CCDC149: variants seen among roughly 807,000 people sequenced by gnomAD.
CCDC149 encodes coiled-coil domain-containing protein 149.
A neutral mutation model predicts 59.9 loss-of-function variants in CCDC149; 45 were observed. The ratio of observed to expected loss-of-function variants is 0.75; its 90% CI spans 0.59 to 0.96. The LOEUF (loss-of-function observed/expected upper bound fraction) is 0.96. Ranked by LOEUF, CCDC149 falls within the 40% of genes least tolerant of loss-of-function variation. The pLI is 0.00. For missense variants in CCDC149, 584 were observed against 664.7 expected (o/e 0.88, Z 1.33); for synonymous variants, 245 against 260.6 (o/e 0.94, Z 0.58).
intron 1 of CCDC149, chr4:24,894,866 G>T: frequency 8.1e-7 from 1 of 1,229,074 alleles, no homozygotes; most frequent in Non-Finnish European, 1.1e-6. Context: ...CACCCCTGCA[G>T]CCTGTGCTAG....
intron 3 of CCDC149, among the ~76,000 whole-genome samples, chr4:24,854,752 T>A (rs1717895363): frequency 6.6e-6 from 1 of 152,200 alleles, no homozygotes; most frequent in Admixed American, 6.5e-5. Context: ...TTGTCTTACC[T>A]ACTAGGTCTC....
At chr4:24,812,693 G>T (rs1044145648) in intron 12 of CCDC149, among the ~76,000 whole-genome samples, 9 of 152,212 alleles carry the variant, frequency 5.9e-5, no homozygotes, top group Admixed American at 5.9e-4. Context: ...AAGGAAACAG[G>T]TTTAATGGAC....
At chr4:24,820,017 T>G (rs1158974754) in intron 11 of CCDC149, 42 bp from the exon 12 acceptor site, 5 of 1,440,542 alleles carry the variant, frequency 3.5e-6, no homozygotes, top group Non-Finnish European at 3.8e-6. Flanking sequence ...ATATCATCAG[T>G]GGAGTTGGGT....
At chr4:24,864,596 TA>T (rs1219212465) in intron 3 of CCDC149, among the ~76,000 whole-genome samples, 1 of 152,180 alleles carries the variant, frequency 6.6e-6, no homozygotes, top group South Asian at 2.1e-4. Flanking sequence ...ATTTGAGTGA[TA>T]AAAAAACTCC....
intron 12 of CCDC149, among the ~76,000 whole-genome samples, chr4:24,816,183 G>T (rs555531118): frequency 6.6e-6 from 1 of 152,190 alleles, no homozygotes; most frequent in South Asian, 2.1e-4. Flanking sequence ...AACCTCCTGG[G>T]TTCAAGGGAT....
chr4:24,910,658 C>T (rs1721820492), intron 1 of CCDC149, among the ~76,000 whole-genome samples: 1 of 152,132 alleles, frequency 6.6e-6, no homozygotes. Flanking sequence ...GCAGAAGATA[C>T]AGACAGATGA....
chr4:24,860,897 A>G (rs1577420449), intron 3 of CCDC149, among the ~76,000 whole-genome samples: 1 of 152,212 alleles, frequency 6.6e-6, no homozygotes, highest in Admixed American at 6.5e-5. Context: ...TCACAATGCA[A>G]TAACACCTTA....
chr4:24,837,519 T>C lies in CCDC149; in HGVS notation c.490-119A>G. The stretch of plus-strand genomic sequence containing the variant: ...AGAGAGTTTATTAACACTACCCGCA[T>C]GCCCTAAAGCCATAAGCGCCACACA... On this transcript the variant is annotated intron_variant, in intron 5 of 12. Coordinates refer to ENST00000635206, the MANE Select transcript of CCDC149 (RefSeq NM_001330643.2). The surrounding 1 kb of genome is among the most constrained non-coding windows in gnomAD (Gnocchi z 4.3). 2 of 876,038 alleles carry C rather than the reference T, an allele frequency of 2.3e-6. No individual in the cohort carries two copies. Among genetic ancestry groups the C allele is most frequent in the Non-Finnish European group, 3.5e-6 (2 of 564,630 alleles). 54.3% of individuals were successfully genotyped at this position (876,038 alleles called of 1,614,324 possible). A position where few individuals can be genotyped will look rare whatever the true frequency, so the allele number is the denominator to read the frequency against.
intron 3 of CCDC149, among the ~76,000 whole-genome samples, chr4:24,868,050 C>T (rs1718808697): frequency 6.6e-6 from 1 of 152,232 alleles, no homozygotes; most frequent in African/African-American, 2.4e-5. Context: ...CTTTGCTTTG[C>T]AGCTGGAGAG....
At chr4:24,930,026 C>T (rs1485900228) in intron 1 of CCDC149, among the ~76,000 whole-genome samples, 1 of 152,164 alleles carries the variant, frequency 6.6e-6, no homozygotes, top group African/African-American at 2.4e-5. Context: ...TTTATCAAAG[C>T]CTGCTATGAT....
In CCDC149 at chr4:24,837,115, C is replaced by G; in HGVS notation, c.662+113G>C. 1 of 1,034,736 alleles carries G rather than the reference C, an allele frequency of 9.7e-7. No individual in the cohort carries two copies. Among genetic ancestry groups the G allele is most frequent in the East Asian group, 2.6e-5 (1 of 38,488 alleles). The allele number at this position is 1,034,736 out of a possible 1,614,324, so 64.1% of individuals were successfully genotyped here. A position where few individuals can be genotyped will look rare whatever the true frequency, so the allele number is the denominator to read the frequency against. On this transcript the variant is annotated intron_variant, in intron 6 of 12. Coordinates refer to ENST00000635206, the MANE Select transcript of CCDC149 (RefSeq NM_001330643.2). This position sits in a 1 kb window ranked among gnomAD's most constrained non-coding sequence, Gnocchi z 4.3. The stretch of plus-strand genomic sequence containing the variant: ...CATTTCGGGGGAGTGAGTTTCTTTT[C>G]ACTTGTAAGGCAATTTTCTCCAAAA...
chr4:24,885,508 C>G (rs1720110475), intron 1 of CCDC149, among the ~76,000 whole-genome samples: 1 of 152,162 alleles, frequency 6.6e-6, no homozygotes, highest in African/African-American at 2.4e-5. Context: ...CAGGGTGCTA[C>G]CCAGGCAACC....
chr4:24,931,331 A>ATATATCTC (rs1394185015), intron 1 of CCDC149, among the ~76,000 whole-genome samples: 10 of 147,524 alleles, frequency 6.8e-5, no homozygotes, highest in African/African-American at 2.5e-4. Flanking sequence ...ATATATATAT[A>ATATATCTC]TCTCAGTACA....
intron 3 of CCDC149, among the ~76,000 whole-genome samples, chr4:24,867,883 G>C (rs1390886114): frequency 6.6e-6 from 1 of 152,222 alleles, no homozygotes; most frequent in African/African-American, 2.4e-5. Flanking sequence ...AGAAACGAAA[G>C]TCACAGCTTC....
intron 3 of CCDC149, among the ~76,000 whole-genome samples, chr4:24,866,432 T>C (rs1718695622): frequency 6.6e-6 from 1 of 152,216 alleles, no homozygotes; most frequent in Admixed American, 6.5e-5. Context: ...TAACCCGAGA[T>C]AATTTAATTG....
At chr4:24,843,281 C>T (rs912749036) in intron 4 of CCDC149, among the ~76,000 whole-genome samples, 2 of 152,192 alleles carry the variant, frequency 1.3e-5, no homozygotes, top group African/African-American at 4.8e-5. Flanking sequence ...GAAGTGGATG[C>T]TAGCCCTTTC....
Position 24,819,885 on chromosome 4 carries a change from G to T in CCDC149, c.1166C>A (p.Thr389Asn). Residue 389 changes from threonine to asparagine, a missense_variant, in exon 12 of 13, where the codon ACT (threonine) becomes AAT (asparagine). Coordinates refer to ENST00000635206, the MANE Select transcript of CCDC149 (RefSeq NM_001330643.2). ...ATCCTTGGGATCTGCTTTGTTCTCA[G>T]TGGGCTGCTCGACAAACTTCAGCAG... The T allele has an allele frequency of 6.4e-7, 1 of 1,551,674 alleles. No individual in the cohort carries two copies. Among genetic ancestry groups the T allele is most frequent in the Non-Finnish European group, 8.7e-7 (1 of 1,146,934 alleles).
intron 1 of CCDC149, among the ~76,000 whole-genome samples, chr4:24,891,818 G>A (rs2109286622): frequency 6.6e-6 from 1 of 152,138 alleles, no homozygotes; most frequent in East Asian, 1.9e-4. Context: ...TGGCAGCATA[G>A]TGAAACTCCT....
At chr4:24,842,405 T>C (rs115243183) in intron 4 of CCDC149, among the ~76,000 whole-genome samples, 675 of 152,280 alleles carry the variant, frequency 4.4e-3, no homozygotes, top group African/African-American at 0.016. Flanking sequence ...GCAAATGATG[T>C]TGATTTTCCA....
Sources: gnomAD v4.1 joint callset for allele counts (sites outside exome capture counted in the v4.1 genomes callset) on GRCh38, gnomAD v4.1.1 for gene constraint, Gnocchi (gnomAD v3.1) non-coding constraint, MANE v1.5 for transcripts, NCBI Gene and HGNC (gene_info 2026-07-23, HGNC 2026-07-21) for gene names.